Variants in ACKR3 observed in about 807,000 individuals in gnomAD.
ACKR3 encodes the protein atypical chemokine receptor 3.
Under a neutral mutation model 22.4 loss-of-function variants are expected in ACKR3, and 6 were observed. That is an observed-to-expected ratio of 0.27 (90% CI 0.15 to 0.53). The LOEUF (loss-of-function observed/expected upper bound fraction) is 0.53. Among genes scored for constraint, ACKR3 ranks in the 20% least tolerant of loss-of-function variants. The pLI is 0.96. For synonymous variants in ACKR3, 209 were observed against 205.2 expected, an observed-to-expected ratio of 1.02 and a Z score of -0.16; for missense variants, 396 against 475.2, an observed-to-expected ratio of 0.83 and a Z score of 1.55.
At chr2:236,546,393 A>T in the ACKR3 span, among the ~76,000 whole-genome samples, 1 of 152,198 alleles carries the variant, frequency 6.6e-6, no homozygotes, top group African/African-American at 2.4e-5. This position sits in a 1 kb window ranked among gnomAD's most constrained non-coding sequence, Gnocchi z 4.9. Context: ...CCACAAGGGC[A>T]GGGCTAGTTC....
the ACKR3 span, among the ~76,000 whole-genome samples, chr2:236,554,135 C>CCT: frequency 6.6e-6 from 1 of 152,118 alleles, no homozygotes; most frequent in Non-Finnish European, 1.5e-5. Context: ...GATATCTGCC[C>CCT]CTCTCCCTTC....
the ACKR3 span, among the ~76,000 whole-genome samples, chr2:236,539,316 T>C: frequency 3.4e-5 from 5 of 145,146 alleles, no homozygotes; most frequent in Non-Finnish European, 7.6e-5. Context: ...CTTTTTTTTT[T>C]TTTTTTTTGT....
chr2:236,580,888 C>T lies in ACKR3; in HGVS notation c.423C>T (p.Asp141=). The T allele has an allele frequency of 1.2e-6, 2 of 1,614,198 alleles. No individual in the cohort carries two copies. The highest frequency in any genetic ancestry group is 1.7e-6 in the Non-Finnish European group (2 of 1,180,042). Residue 141 remains aspartate, a synonymous_variant, in exon 2 of 2, where the codon GAC becomes GAT. Coordinates refer to ENST00000272928, the MANE Select transcript of ACKR3 (RefSeq NM_020311.3). ...SIFFLTCMSV[D]RYLSITYFTN... ...TCTTCCTCACGTGCATGAGCGTGGA[C>T]CGCTACCTCTCCATCACCTACTTCA...
At chr2:236,547,005 C>T in the ACKR3 span, among the ~76,000 whole-genome samples, 4 of 152,322 alleles carry the variant, frequency 2.6e-5, no homozygotes, top group Non-Finnish European at 5.9e-5. Flanking sequence ...CCTCTCTTGT[C>T]GGGCTTCAGC....
chr2:236,542,093 A>G, the ACKR3 span, among the ~76,000 whole-genome samples: 1 of 152,252 alleles, frequency 6.6e-6, no homozygotes, highest in African/African-American at 2.4e-5. Context: ...AAGTTAATAC[A>G]GTATGCTCAG....
At chr2:236,563,086 G>A (rs1472419686), upstream of ACKR3, among the ~76,000 whole-genome samples, 1 of 152,188 alleles carries the variant, frequency 6.6e-6, no homozygotes, top group South Asian at 2.1e-4. Context: ...GGTTTCATAT[G>A]TGTATCTGCA....
At chr2:236,579,930 G>T (rs1257693606) in intron 1 of ACKR3, among the ~76,000 whole-genome samples, 1 of 152,224 alleles carries the variant, frequency 6.6e-6, no homozygotes, top group African/African-American at 2.4e-5. Flanking sequence ...TGCAAATTTG[G>T]AGGAGGATTT....
chr2:236,578,938 G>C (rs570430721), intron 1 of ACKR3, among the ~76,000 whole-genome samples: 2 of 152,230 alleles, frequency 1.3e-5, no homozygotes, highest in African/African-American at 2.4e-5. Context: ...GAGGGAGAAG[G>C]GGGTGACGTT....
chr2:236,542,175 C>T, the ACKR3 span, among the ~76,000 whole-genome samples: 1 of 152,186 alleles, frequency 6.6e-6, no homozygotes, highest in Non-Finnish European at 1.5e-5. Context: ...AAATTTAGGG[C>T]CTAACAAGAG....
chr2:236,551,835 G>A, the ACKR3 span, among the ~76,000 whole-genome samples: 1 of 152,094 alleles, frequency 6.6e-6, no homozygotes, highest in Non-Finnish European at 1.5e-5. Context: ...TTGCATGTGG[G>A]ACCCCTTACA....
At chr2:236,565,953 A>G (rs1334823704), upstream of ACKR3, among the ~76,000 whole-genome samples, 1 of 152,082 alleles carries the variant, frequency 6.6e-6, no homozygotes, top group African/African-American at 2.4e-5. Context: ...CAGGGTCACA[A>G]CTCCAAGAAT....
the ACKR3 span, among the ~76,000 whole-genome samples, chr2:236,560,907 A>T: frequency 6.6e-6 from 1 of 152,232 alleles, no homozygotes; most frequent in Non-Finnish European, 1.5e-5. Flanking sequence ...AACAGCCTAA[A>T]TGTCCTTTGT....
At chr2:236,572,995 G>A (rs1691339573) in intron 1 of ACKR3, among the ~76,000 whole-genome samples, 1 of 152,212 alleles carries the variant, frequency 6.6e-6, no homozygotes, top group South Asian at 2.1e-4. Flanking sequence ...GGTCACTAGT[G>A]AATGTGTAGT....
At chr2:236,565,112 G>A (rs1032023692), upstream of ACKR3, among the ~76,000 whole-genome samples, 7 of 152,116 alleles carry the variant, frequency 4.6e-5, no homozygotes, top group Non-Finnish European at 8.8e-5. Flanking sequence ...AATTTGGCTG[G>A]GGACAGAGGA....
intron 1 of ACKR3, among the ~76,000 whole-genome samples, chr2:236,576,938 C>T (rs1396265377): frequency 6.6e-6 from 1 of 152,228 alleles, no homozygotes; most frequent in African/African-American, 2.4e-5. Flanking sequence ...GATGACTGCA[C>T]TGTCTGCTTA....
the ACKR3 span, among the ~76,000 whole-genome samples, chr2:236,554,841 A>G: frequency 1.3e-5 from 2 of 152,238 alleles, no homozygotes; most frequent in Non-Finnish European, 2.9e-5. Context: ...GCCAACTGGC[A>G]TAGTAGAAAT....
At chr2:236,538,427 G>A in the ACKR3 span, among the ~76,000 whole-genome samples, 68 of 152,318 alleles carry the variant, frequency 4.5e-4, no homozygotes, top group Non-Finnish European at 6.5e-4. Context: ...TGGCCACAGC[G>A]GAAGCCAGGT....
At chr2:236,548,529 C>G in the ACKR3 span, among the ~76,000 whole-genome samples, 1 of 152,168 alleles carries the variant, frequency 6.6e-6, no homozygotes, top group Non-Finnish European at 1.5e-5. The surrounding 1 kb of genome is among the most constrained non-coding windows in gnomAD (Gnocchi z 4.3). Context: ...GTTAATCTTC[C>G]CAGGGAGGGT....
chr2:236,546,973 T>C, the ACKR3 span, among the ~76,000 whole-genome samples: 1 of 152,254 alleles, frequency 6.6e-6, no homozygotes, highest in Non-Finnish European at 1.5e-5. The surrounding 1 kb of genome is among the most constrained non-coding windows in gnomAD (Gnocchi z 4.9). Context: ...CTGTGACTTT[T>C]GTCTTCCCCT....
Sources: allele counts gnomAD v4.1 joint callset (sites outside exome capture counted in the v4.1 genomes callset), GRCh38; gene constraint gnomAD v4.1.1; non-coding constraint Gnocchi (gnomAD v3.1); transcripts MANE v1.5; gene names NCBI Gene and HGNC (gene_info 2026-07-23, HGNC 2026-07-21).